Variants in CCDC192 observed in about 807,000 individuals in gnomAD.
CCDC192 encodes coiled-coil domain containing 192.
At chr5:127,782,310 T>G (rs1276470686) in intron 3 of CCDC192, among the ~76,000 whole-genome samples, 2 of 152,168 alleles carry the variant, frequency 1.3e-5, no homozygotes, top group Non-Finnish European at 2.9e-5. Context: ...GGTTTTGGTA[T>G]TAGGGTGATG....
chr5:127,927,628 A>G (rs776504787), intron 6 of CCDC192, among the ~76,000 whole-genome samples: 10 of 152,244 alleles, frequency 6.6e-5, no homozygotes, highest in Admixed American at 2.0e-4. Flanking sequence ...GCTTGGAGCC[A>G]GTAGAAAGAT....
At chr5:127,938,232 G>C (rs1754239090) in intron 6 of CCDC192, among the ~76,000 whole-genome samples, 1 of 152,200 alleles carries the variant, frequency 6.6e-6, no homozygotes, top group African/African-American at 2.4e-5. Context: ...CTACACACCT[G>C]CTTAAGGTGG....
At chr5:127,813,016 TA>T (rs1758166684) in intron 5 of CCDC192, among the ~76,000 whole-genome samples, 2 of 152,366 alleles carry the variant, frequency 1.3e-5, no homozygotes, top group East Asian at 3.9e-4. Context: ...TGCTCAGTGC[TA>T]AATCAAATGC....
At chr5:127,933,461 T>C (rs1754104530) in intron 6 of CCDC192, among the ~76,000 whole-genome samples, 2 of 152,164 alleles carry the variant, frequency 1.3e-5, no homozygotes, top group African/African-American at 4.8e-5. Context: ...GCATAAGAAG[T>C]AAGATAGGAA....
At chr5:127,898,104 A>ATGGTCCAGT (rs766101426) in intron 6 of CCDC192, among the ~76,000 whole-genome samples, 14 of 151,088 alleles carry the variant, frequency 9.3e-5, no homozygotes, top group Non-Finnish European at 1.6e-4. Context: ...AGACCTTAAT[A>ATGGTCCAGT]TGGTCCAGTT....
chr5:127,704,058 T>C (rs756475559), intron 1 of CCDC192, among the ~76,000 whole-genome samples: 9 of 152,260 alleles, frequency 5.9e-5, no homozygotes, highest in Non-Finnish European at 1.3e-4. Context: ...TGGAAATATC[T>C]TCCATTTACA....
Position 127,756,697 on chromosome 5 carries a change from G to C in CCDC192, c.222+2322G>C, listed in dbSNP as rs958567439. Reference sequence around the variant, plus strand: ...ATCTTGCAGCTAATTTGGTAGTTCTGCAAGGGCAGATTGGACCCCAGGCAA... The same window carrying C: ...ATCTTGCAGCTAATTTGGTAGTTCTCCAAGGGCAGATTGGACCCCAGGCAA... On this transcript the variant is annotated intron_variant, in intron 3 of 6. Coordinates refer to ENST00000514853, the MANE Select transcript of CCDC192 (RefSeq NM_001317938.2). Among the ~76,000 whole-genome samples the C allele has an allele frequency of 5.3e-5, 8 of 152,346 alleles. 1 individual carries two copies. The highest frequency in any genetic ancestry group is 6.8e-3 in the Middle Eastern group (2 of 294).
rs1246407366 is a variant in CCDC192, at chr5:127,800,399, A to AAAC, written c.411+2249_411+2251dup. ...CTGAAAAAAAAAAAAAAAAAAAAAA[A>AAAC]AACAACAACAACAAAAAGTAGGAAG... is the stretch of plus-strand genomic sequence containing the variant. On this transcript the variant is annotated intron_variant, in intron 5 of 6. Transcript: ENST00000514853. Among the ~76,000 whole-genome samples, 12 of 109,304 alleles carry AAAC rather than the reference A, an allele frequency of 1.1e-4. No homozygotes were observed. The South Asian group carries it at 2.0e-3, about 18-fold the overall frequency. The allele number at this position is 109,304 out of a possible 152,430, so 71.7% of individuals were successfully genotyped here.
intron 5 of CCDC192, among the ~76,000 whole-genome samples, chr5:127,833,305 A>G (rs1230628168): frequency 2.0e-5 from 3 of 152,162 alleles, no homozygotes; most frequent in African/African-American, 4.8e-5. Flanking sequence ...ATTATTTTAC[A>G]TGTTCATCAC....
intron 2 of CCDC192, among the ~76,000 whole-genome samples, chr5:127,734,406 C>T (rs1192602800): frequency 1.6e-4 from 24 of 151,292 alleles, no homozygotes; most frequent in South Asian, 4.2e-4. Flanking sequence ...TGTGTCTTTA[C>T]AGCAGCATGA....
At chr5:127,702,823 G>A (rs1396909419), upstream of CCDC192, among the ~76,000 whole-genome samples, 1 of 152,236 alleles carries the variant, frequency 6.6e-6, no homozygotes, top group South Asian at 2.1e-4. Flanking sequence ...CTGGGAGAAA[G>A]TAGCTGGTGT....
At chr5:127,740,587 CATT>C (rs1753353741) in intron 2 of CCDC192, among the ~76,000 whole-genome samples, 1 of 151,738 alleles carries the variant, frequency 6.6e-6, no homozygotes, top group South Asian at 2.1e-4. Flanking sequence ...AAGTTCTTAT[CATT>C]GTAATTAATT....
intron 2 of CCDC192, among the ~76,000 whole-genome samples, chr5:127,716,210 G>A (rs1231653534): frequency 6.6e-5 from 10 of 152,026 alleles, no homozygotes; most frequent in Admixed American, 2.6e-4. Flanking sequence ...TGTGAATGTT[G>A]AACTCTCCTT....
At chr5:127,814,363 C>T (rs571598682) in intron 5 of CCDC192, among the ~76,000 whole-genome samples, 97 of 152,280 alleles carry the variant, frequency 6.4e-4, no homozygotes, top group Non-Finnish European at 1.2e-3. Context: ...CATGTTTCCC[C>T]CTCAATGCTC....
chr5:127,868,384 T>C (rs1292963770), intron 5 of CCDC192, among the ~76,000 whole-genome samples: 1 of 152,156 alleles, frequency 6.6e-6, no homozygotes, highest in African/African-American at 2.4e-5. Context: ...ATTTGGTAAA[T>C]TATTTCATTT....
intron 6 of CCDC192, among the ~76,000 whole-genome samples, chr5:127,889,351 G>A (rs1752662433): frequency 6.6e-6 from 1 of 151,446 alleles, no homozygotes; most frequent in South Asian, 2.1e-4. Context: ...CCTTTTAAAT[G>A]ACTGATTTCT....
At chr5:127,844,961 G>C (rs1368602749) in intron 5 of CCDC192, among the ~76,000 whole-genome samples, 2 of 152,164 alleles carry the variant, frequency 1.3e-5, no homozygotes, top group African/African-American at 4.8e-5. Flanking sequence ...AAACCAAAGG[G>C]CGCCACCCTT....
At chr5:127,825,453 G>A (rs1749485413) in intron 5 of CCDC192, among the ~76,000 whole-genome samples, 1 of 152,174 alleles carries the variant, frequency 6.6e-6, no homozygotes, top group Non-Finnish European at 1.5e-5. Context: ...CAGCATCCCA[G>A]TACTTCAAGG....
At chr5:127,918,965 C>G (rs13153905) in intron 6 of CCDC192, among the ~76,000 whole-genome samples, 11 of 141,686 alleles carry the variant, frequency 7.8e-5, no homozygotes, top group African/African-American at 2.6e-4. Flanking sequence ...ATGTGTGTGT[C>G]TGTGTGTATA....
Sources: gnomAD v4.1 joint callset for allele counts (sites outside exome capture counted in the v4.1 genomes callset) on GRCh38, gnomAD v4.1.1 for gene constraint, MANE v1.5 for transcripts, NCBI Gene and HGNC (gene_info 2026-07-23, HGNC 2026-07-21) for gene names.